DLG2: variants seen among roughly 807,000 people sequenced by gnomAD.
DLG2 encodes the protein disks large homolog 2.
In DLG2, 45 loss-of-function variants were observed where a neutral mutation model predicts 132.5. The observed-to-expected ratio is 0.34, with a 90% CI of 0.27 to 0.44. DLG2 has a LOEUF of 0.44. DLG2 is among the 20% of genes least tolerant of loss of function. DLG2 has a pLI of 1.00. For missense variants in DLG2, 1,045 were observed against 1,196.9 expected (o/e 0.87, Z 1.87); for synonymous variants, 424 against 419.6 (o/e 1.01, Z -0.13).
intron 19 of DLG2, among the ~76,000 whole-genome samples, chr11:83,605,458 C>G (rs2059208974): frequency 6.6e-6 from 1 of 152,078 alleles, no homozygotes; most frequent in Non-Finnish European, 1.5e-5. Flanking sequence ...GCAGTGGGAC[C>G]AGGGAAATAA....
At chr11:84,147,483 A>C (rs2095128364) in intron 9 of DLG2, among the ~76,000 whole-genome samples, 1 of 152,204 alleles carries the variant, frequency 6.6e-6, no homozygotes, top group Admixed American at 6.5e-5. Context: ...TTAAAAAGGT[A>C]TCAGAGCAAA....
intron 6 of DLG2, among the ~76,000 whole-genome samples, chr11:84,755,794 G>A (rs1269003831): frequency 6.6e-6 from 1 of 152,198 alleles, no homozygotes. Context: ...AAGCAAAAAG[G>A]AAACCTGCCC....
At chr11:84,373,095 A>T (rs1214781776) in intron 7 of DLG2, among the ~76,000 whole-genome samples, 1 of 151,810 alleles carries the variant, frequency 6.6e-6, no homozygotes, top group African/African-American at 2.4e-5. Flanking sequence ...GAGAGGAATG[A>T]GATGGAAGCA....
intron 4 of DLG2, among the ~76,000 whole-genome samples, chr11:85,217,743 T>C (rs369913422): frequency 6.6e-6 from 1 of 152,236 alleles, no homozygotes; most frequent in Non-Finnish European, 1.5e-5. Context: ...CCTTTGCACA[T>C]GCTTTCCTCT....
At chr11:85,233,547 T>G (rs1374387090) in intron 4 of DLG2, among the ~76,000 whole-genome samples, 3 of 151,982 alleles carry the variant, frequency 2.0e-5, no homozygotes, top group Admixed American at 2.0e-4. Flanking sequence ...TTTGGTCATA[T>G]TAGTGAGAAT....
intron 6 of DLG2, among the ~76,000 whole-genome samples, chr11:85,013,027 G>A (rs1236846669): frequency 6.6e-6 from 1 of 152,050 alleles, no homozygotes; most frequent in Non-Finnish European, 1.5e-5. Flanking sequence ...TTTTCAGTGT[G>A]GAAAAATTTA....
chr11:85,196,879 G>C (rs2081109948), intron 4 of DLG2, among the ~76,000 whole-genome samples: 1 of 152,142 alleles, frequency 6.6e-6, no homozygotes, highest in South Asian at 2.1e-4. Flanking sequence ...TCTCTGAATG[G>C]AATATTTAAG....
chr11:83,503,261 G>T (rs2094522745), intron 21 of DLG2, among the ~76,000 whole-genome samples: 1 of 150,094 alleles, frequency 6.7e-6, no homozygotes, highest in Admixed American at 6.7e-5. Flanking sequence ...TATTCTACCA[G>T]CAAAAGGAAT....
At chr11:85,011,349 T>C (rs902098211) in intron 6 of DLG2, among the ~76,000 whole-genome samples, 1 of 152,238 alleles carries the variant, frequency 6.6e-6, no homozygotes. Flanking sequence ...GGAAAGCTAG[T>C]TGATAACATC....
chr11:83,957,221 C>T (rs1333467756), intron 14 of DLG2, among the ~76,000 whole-genome samples: 1 of 152,146 alleles, frequency 6.6e-6, no homozygotes, highest in Non-Finnish European at 1.5e-5. Context: ...AGTGGGCTGG[C>T]TTCTAACCAG....
At chr11:85,105,226 A>G (rs1354645314) in intron 6 of DLG2, among the ~76,000 whole-genome samples, 6 of 151,918 alleles carry the variant, frequency 3.9e-5, no homozygotes, top group Non-Finnish European at 5.9e-5. Context: ...CATCTTTCCC[A>G]TGAACCAATG....
chr11:85,606,151 G>A (rs940104262), intron 2 of DLG2, among the ~76,000 whole-genome samples: 8 of 152,072 alleles, frequency 5.3e-5, no homozygotes, highest in East Asian at 1.9e-4. Flanking sequence ...GATTTAGAAC[G>A]ATTAACTATA....
At chr11:84,531,914 T>C (rs1162813616) in intron 7 of DLG2, among the ~76,000 whole-genome samples, 1 of 152,126 alleles carries the variant, frequency 6.6e-6, no homozygotes, top group African/African-American at 2.4e-5. Context: ...AAAATTCCTT[T>C]GTTTATATGA....
intron 18 of DLG2, among the ~76,000 whole-genome samples, chr11:83,759,327 A>G (rs1166537189): frequency 1.3e-5 from 2 of 152,224 alleles, no homozygotes; most frequent in African/African-American, 4.8e-5. Context: ...TTCCAAATCA[A>G]GGCACATGCA....
At chr11:83,797,494 C>A (rs973441436) in intron 17 of DLG2, among the ~76,000 whole-genome samples, 1 of 151,202 alleles carries the variant, frequency 6.6e-6, no homozygotes, top group Non-Finnish European at 1.5e-5. Context: ...GTTTAAGTGT[C>A]TGCATTCTTT....
At chr11:84,746,256 A>G (rs957368266) in intron 6 of DLG2, among the ~76,000 whole-genome samples, 8 of 151,902 alleles carry the variant, frequency 5.3e-5, no homozygotes. Context: ...GAAAAGAAAA[A>G]AAAAAAAAAG....
chr11:85,030,210 A>T (rs992569094), intron 6 of DLG2, among the ~76,000 whole-genome samples: 1 of 152,220 alleles, frequency 6.6e-6, no homozygotes, highest in African/African-American at 2.4e-5. Context: ...AGATGCACTC[A>T]TGGGTGACTC....
intron 21 of DLG2, among the ~76,000 whole-genome samples, chr11:83,524,864 C>A (rs1332033904): frequency 6.6e-6 from 1 of 152,130 alleles, no homozygotes; most frequent in Non-Finnish European, 1.5e-5. Context: ...TGAACGATAT[C>A]TCTTTTAGAA....
chr11:84,591,251 G>GTGTGTC (rs1185912129), intron 6 of DLG2, among the ~76,000 whole-genome samples: 1 of 150,722 alleles, frequency 6.6e-6, no homozygotes, highest in Admixed American at 6.6e-5. Flanking sequence ...GTGTGTGTGT[G>GTGTGTC]TGTGTGCGCG....
Sources: allele counts gnomAD v4.1 joint callset (sites outside exome capture counted in the v4.1 genomes callset), GRCh38; gene constraint gnomAD v4.1.1; transcripts MANE v1.5; gene names NCBI Gene and HGNC (gene_info 2026-07-23, HGNC 2026-07-21).